DRC11: variants seen among roughly 807,000 people sequenced by gnomAD.
DRC11 encodes dynein regulatory complex subunit 11.
the DRC11 span, among the ~76,000 whole-genome samples, chr2:236,355,926 C>G: frequency 2.0e-5 from 3 of 152,150 alleles, no homozygotes; most frequent in Non-Finnish European, 4.4e-5. Flanking sequence ...CCACCACACA[C>G]CACATCTGGG....
the DRC11 span, among the ~76,000 whole-genome samples, chr2:236,458,761 A>G: frequency 6.6e-6 from 1 of 152,102 alleles, no homozygotes; most frequent in African/African-American, 2.4e-5. Context: ...TTAGAAAAAA[A>G]AAGGCCAGGC....
At chr2:236,348,553 G>A in the DRC11 span, among the ~76,000 whole-genome samples, 1 of 116,606 alleles carries the variant, frequency 8.6e-6, no homozygotes, top group Non-Finnish European at 1.8e-5. This position sits in a 1 kb window ranked among gnomAD's most constrained non-coding sequence, Gnocchi z 7.4. Context: ...GCAGGTAAGT[G>A]AGGAGGGGGC....
chr2:236,366,260 G>T, the DRC11 span, among the ~76,000 whole-genome samples: 1 of 152,256 alleles, frequency 6.6e-6, no homozygotes, highest in East Asian at 1.9e-4. Context: ...GGCTGCAGCC[G>T]GTGTCTCCTG....
chr2:236,338,417 G>GA, the DRC11 span: 1 of 1,553,698 alleles, frequency 6.4e-7, no homozygotes, highest in Non-Finnish European at 8.7e-7. Flanking sequence ...TCCACATATA[G>GA]AAAAAAAGAA....
At chr2:236,375,918 G>C in the DRC11 span, among the ~76,000 whole-genome samples, 1 of 152,220 alleles carries the variant, frequency 6.6e-6, no homozygotes, top group South Asian at 2.1e-4. This position sits in a 1 kb window ranked among gnomAD's most constrained non-coding sequence, Gnocchi z 4.2. Context: ...AAAATCATCA[G>C]TGGGTGCTAA....
the DRC11 span, among the ~76,000 whole-genome samples, chr2:236,459,688 C>CGTATATACATAT: frequency 7.6e-6 from 1 of 131,242 alleles, no homozygotes; most frequent in African/African-American, 2.9e-5. Flanking sequence ...TATGTATATA[C>CGTATATACATAT]ATATATACAT....
the DRC11 span, among the ~76,000 whole-genome samples, chr2:236,468,224 G>A: frequency 1.6e-4 from 24 of 152,094 alleles, no homozygotes; most frequent in African/African-American, 4.3e-4. Flanking sequence ...CCCAAGTAGC[G>A]GGAGTACAGG....
At chr2:236,406,581 AT>A in the DRC11 span, among the ~76,000 whole-genome samples, 1 of 152,174 alleles carries the variant, frequency 6.6e-6, no homozygotes, top group Admixed American at 6.6e-5. This position sits in a 1 kb window ranked among gnomAD's most constrained non-coding sequence, Gnocchi z 4.7. Flanking sequence ...GAGGCTGACG[AT>A]TTCCCACTGA....
the DRC11 span, chr2:236,419,198 T>C: frequency 6.3e-3 from 9,762 of 1,545,408 alleles, 399 homozygotes; most frequent in East Asian, 0.12. The surrounding 1 kb of genome is among the most constrained non-coding windows in gnomAD (Gnocchi z 4.8). Flanking sequence ...TTTCTTGGGT[T>C]GTTTTTCCTT....
At chr2:236,338,391 G>GA in the DRC11 span, 11 of 1,540,116 alleles carry the variant, frequency 7.1e-6, no homozygotes, top group East Asian at 2.3e-5. Flanking sequence ...TTCTGGGAGA[G>GA]AGAAAAAAAA....
the DRC11 span, chr2:236,494,011 A>AT: frequency 1.2e-6 from 1 of 804,652 alleles, no homozygotes. The surrounding 1 kb of genome is among the most constrained non-coding windows in gnomAD (Gnocchi z 4.2). Flanking sequence ...TTTTCATTTA[A>AT]GAAAAAAAAA....
chr2:236,316,172 TC>T, the DRC11 span, among the ~76,000 whole-genome samples: 4 of 149,498 alleles, frequency 2.7e-5, no homozygotes, highest in African/African-American at 1.0e-4. This position sits in a 1 kb window ranked among gnomAD's most constrained non-coding sequence, Gnocchi z 6.8. Context: ...TCTCTCTCTC[TC>T]TCTTTTTGAG....
At chr2:236,355,372 G>A in the DRC11 span, among the ~76,000 whole-genome samples, 9 of 152,188 alleles carry the variant, frequency 5.9e-5, no homozygotes, top group East Asian at 1.9e-4. Context: ...GCCAGGAACC[G>A]AAAACTGCTC....
the DRC11 span, among the ~76,000 whole-genome samples, chr2:236,388,346 A>G: frequency 6.8e-6 from 1 of 147,620 alleles, no homozygotes; most frequent in Non-Finnish European, 1.5e-5. Flanking sequence ...TATTTCTTGG[A>G]GGCTTTGCTC....
chr2:236,386,214 T>C, the DRC11 span, among the ~76,000 whole-genome samples: 2 of 150,838 alleles, frequency 1.3e-5, no homozygotes, highest in Non-Finnish European at 3.0e-5. Context: ...TTTCTATTGA[T>C]TGGAATAGTT....
the DRC11 span, among the ~76,000 whole-genome samples, chr2:236,388,403 TCATTC>T: frequency 6.7e-6 from 1 of 150,302 alleles, no homozygotes; most frequent in Non-Finnish European, 1.5e-5. Flanking sequence ...TCGCTTCATT[TCATTC>T]ATTTCATCTT....
the DRC11 span, among the ~76,000 whole-genome samples, chr2:236,433,018 C>CT: frequency 6.6e-6 from 1 of 151,996 alleles, no homozygotes; most frequent in East Asian, 1.9e-4. Context: ...CATTTATTTC[C>CT]TTTTTTCCTT....
the DRC11 span, among the ~76,000 whole-genome samples, chr2:236,345,371 G>A: frequency 6.6e-6 from 1 of 152,030 alleles, no homozygotes; most frequent in African/African-American, 2.4e-5. Flanking sequence ...ACAAGCTTGA[G>A]GACAAACATT....
chr2:236,388,983 G>A, the DRC11 span, among the ~76,000 whole-genome samples: 1 of 152,110 alleles, frequency 6.6e-6, no homozygotes, highest in Non-Finnish European at 1.5e-5. Context: ...CGGGGGTCAG[G>A]GGTCAGGGAC....
Sources: gnomAD v4.1 joint callset for allele counts (sites outside exome capture counted in the v4.1 genomes callset) on GRCh38, gnomAD v4.1.1 for gene constraint, Gnocchi (gnomAD v3.1) non-coding constraint, MANE v1.5 for transcripts, NCBI Gene and HGNC (gene_info 2026-07-23, HGNC 2026-07-21) for gene names.